ZDHHC7: variants seen among roughly 807,000 people sequenced by gnomAD.
The protein encoded by ZDHHC7 is palmitoyltransferase ZDHHC7.
Under a neutral mutation model 34.1 loss-of-function variants are expected in ZDHHC7, and 12 were observed. The observed-to-expected ratio is 0.35, with a 90% confidence interval of 0.23 to 0.57. ZDHHC7 has a LOEUF of 0.57. ZDHHC7 is among the 20% of genes least tolerant of loss of function. The pLI, the probability that ZDHHC7 is intolerant of heterozygous loss-of-function variation, is 0.84. For synonymous variants in ZDHHC7, 185 were observed against 155.4 expected (o/e 1.19, Z -1.42); for missense variants, 388 against 402.7 (o/e 0.96, Z 0.31).
At chr16:85,011,841 G>A (rs1255464299), upstream of ZDHHC7, among the ~76,000 whole-genome samples, 3 of 152,208 alleles carry the variant, frequency 2.0e-5, no homozygotes, top group Non-Finnish European at 2.9e-5. Context: ...GTGTCTCAGA[G>A]GCAGCTCCAG....
At chr16:85,022,364 T>C in the ZDHHC7 span, among the ~76,000 whole-genome samples, 1 of 150,602 alleles carries the variant, frequency 6.6e-6, no homozygotes, top group Non-Finnish European at 1.5e-5. Context: ...CTACTAAAAA[T>C]ACAAAAAAAA....
intron 3 of ZDHHC7, among the ~76,000 whole-genome samples, chr16:84,986,758 G>T (rs2072442196): frequency 6.6e-6 from 1 of 152,190 alleles, no homozygotes; most frequent in Non-Finnish European, 1.5e-5. Context: ...TCCCAGCGAG[G>T]ACTGCCCAGT....
intron 3 of ZDHHC7, among the ~76,000 whole-genome samples, chr16:84,988,590 G>A (rs1393108691): frequency 6.6e-6 from 1 of 152,180 alleles, no homozygotes; most frequent in African/African-American, 2.4e-5. Context: ...AGGCTTCTGG[G>A]GCCTTTTCCG....
At chr16:84,983,580 C>CGT (rs2143586241) in intron 3 of ZDHHC7, among the ~76,000 whole-genome samples, 1 of 152,336 alleles carries the variant, frequency 6.6e-6, no homozygotes, top group African/African-American at 2.4e-5. Context: ...AAGGCCCCGT[C>CGT]AGTCCCATGG....
intron 2 of ZDHHC7, among the ~76,000 whole-genome samples, chr16:84,994,441 G>A (rs903807594): frequency 1.4e-4 from 21 of 152,240 alleles, no homozygotes; most frequent in African/African-American, 5.1e-4. Context: ...AAGGAAGGGT[G>A]CTTTCCAGGC....
chr16:84,980,461 G>A (rs2072353416), intron 4 of ZDHHC7, among the ~76,000 whole-genome samples: 1 of 151,988 alleles, frequency 6.6e-6, no homozygotes, highest in African/African-American at 2.4e-5. Flanking sequence ...CCTGAAGTCA[G>A]GAGTTCGAGA....
At chr16:85,017,023 C>T in the ZDHHC7 span, among the ~76,000 whole-genome samples, 1 of 151,432 alleles carries the variant, frequency 6.6e-6, no homozygotes. Flanking sequence ...CTCATTGCAA[C>T]CTCTGCCTCC....
At chr16:84,989,931 C>A (rs984539856) in intron 3 of ZDHHC7, among the ~76,000 whole-genome samples, 3 of 152,124 alleles carry the variant, frequency 2.0e-5, no homozygotes, top group African/African-American at 7.2e-5. Context: ...CCTCCGAGCT[C>A]TGTGGGAAGC....
At position 85,000,327 on chromosome 16, in the gene ZDHHC7, G is replaced by A. The variant is rs141646979; in HGVS notation, c.-103-4320C>T. Among the ~76,000 whole-genome samples, 1,091 of 152,246 alleles carry A rather than the reference G, an allele frequency of 7.2e-3. 6 individuals are homozygous for A. Among genetic ancestry groups the A allele is most frequent in the South Asian group, 0.014 (66 of 4,812 alleles). Reference sequence around the variant, plus strand: ...CTTCCTGGATAACCCGCGTTCCTGAGTCCAGACCCTGTCTTGGATTTACTT... The same window carrying A: ...CTTCCTGGATAACCCGCGTTCCTGAATCCAGACCCTGTCTTGGATTTACTT... On this transcript the variant is annotated intron_variant, in intron 1 of 7. Coordinates refer to ENST00000313732, the MANE Select transcript of ZDHHC7 (RefSeq NM_017740.3).
chr16:84,994,185 G>A (rs796077734), intron 2 of ZDHHC7, among the ~76,000 whole-genome samples: 1 of 152,208 alleles, frequency 6.6e-6, no homozygotes, highest in Non-Finnish European at 1.5e-5. Context: ...CTCCTGCCCT[G>A]TCCCCCTCAT....
chr16:84,985,872 T>C (rs916208268), intron 3 of ZDHHC7, among the ~76,000 whole-genome samples: 1 of 146,126 alleles, frequency 6.8e-6, no homozygotes, highest in Non-Finnish European at 1.5e-5. Context: ...ACAGAATCGC[T>C]TGAACCCAAG....
chr16:84,976,995 C>A, intron 7 of ZDHHC7, 100 bp downstream of exon 7: 1 of 1,525,888 alleles, frequency 6.6e-7, no homozygotes, highest in Non-Finnish European at 8.8e-7. Flanking sequence ...CCATTACGTT[C>A]CCGAGTCAGT....
the ZDHHC7 span, among the ~76,000 whole-genome samples, chr16:85,018,932 G>A: frequency 8.3e-4 from 126 of 152,312 alleles, no homozygotes; most frequent in Non-Finnish European, 9.1e-4. Flanking sequence ...TCCACAACCT[G>A]TGGTAGATGT....
At chr16:85,021,091 C>A in the ZDHHC7 span, among the ~76,000 whole-genome samples, 3 of 149,904 alleles carry the variant, frequency 2.0e-5, no homozygotes, top group Non-Finnish European at 3.0e-5. Context: ...AGTGACAGAG[C>A]AAGACCCTCT....
At chr16:84,997,880 G>A (rs557512014) in intron 1 of ZDHHC7, among the ~76,000 whole-genome samples, 7 of 120,776 alleles carry the variant, frequency 5.8e-5, no homozygotes, top group Admixed American at 1.0e-4. Context: ...CTGGGCGACA[G>A]AGCGAGACTC....
intron 1 of ZDHHC7, among the ~76,000 whole-genome samples, chr16:84,999,491 C>A (rs1327725627): frequency 6.6e-6 from 1 of 152,092 alleles, no homozygotes; most frequent in Non-Finnish European, 1.5e-5. Flanking sequence ...AAATAGATAA[C>A]AAACATTGGT....
chr16:84,995,638 C>CA (rs145708445), intron 2 of ZDHHC7, among the ~76,000 whole-genome samples: 14,094 of 151,222 alleles, frequency 0.093, 921 homozygotes, highest in African/African-American at 0.18. Context: ...AAAAAACAGA[C>CA]AAAAAAAACC....
intron 3 of ZDHHC7, among the ~76,000 whole-genome samples, chr16:84,985,142 C>T (rs991536999): frequency 1.3e-5 from 2 of 152,242 alleles, no homozygotes; most frequent in Non-Finnish European, 2.9e-5. Flanking sequence ...AGGCTCCTCC[C>T]TCCCACCCAA....
chr16:85,008,511 C>A (rs1053556041), intron 1 of ZDHHC7, among the ~76,000 whole-genome samples: 6 of 150,770 alleles, frequency 4.0e-5, no homozygotes, highest in East Asian at 3.9e-4. Flanking sequence ...CACCCCCCCC[C>A]AAAAAAAAGC....
Sources: allele counts gnomAD v4.1 joint callset (sites outside exome capture counted in the v4.1 genomes callset), GRCh38; gene constraint gnomAD v4.1.1; transcripts MANE v1.5; gene names NCBI Gene and HGNC (gene_info 2026-07-23, HGNC 2026-07-21).